TYRP1: variants seen among roughly 807,000 people sequenced by gnomAD.
TYRP1 encodes 5,6-dihydroxyindole-2-carboxylic acid oxidase.
In TYRP1, 49 loss-of-function variants were observed where a neutral mutation model predicts 42.8. That is an observed-to-expected ratio of 1.14 (90% CI 0.91 to 1.45). TYRP1 has a LOEUF of 1.45. Among genes scored for constraint, TYRP1 ranks in the 40% most tolerant of loss-of-function variants. TYRP1 has a pLI of 0.00. For synonymous variants in TYRP1, 279 were observed against 235.4 expected, an observed-to-expected ratio of 1.19 and a Z score of -1.69; for missense variants, 848 against 662.0, an observed-to-expected ratio of 1.28 and a Z score of -3.08.
In TYRP1 at chr9:12,708,161, A is replaced by AT. The variant is rs1563858093; in HGVS notation, c.1408+23dup. The AT allele has an allele frequency of 6.2e-7, 1 of 1,612,086 alleles. No individual in the cohort carries two copies. Among genetic ancestry groups the AT allele is most frequent in the Middle Eastern group, 1.7e-4 (1 of 6,046 alleles). Reference sequence around the variant, plus strand: ...ATGGCCAAGTGAGTGTTGAAAGTGTATTTTTACTGTGATAATTTCCAAAAG... The same window carrying AT: ...ATGGCCAAGTGAGTGTTGAAAGTGTATTTTTTACTGTGATAATTTCCAAAAG... On this transcript the variant is annotated intron_variant, in intron 7 of 7. Coordinates refer to ENST00000388918, the MANE Select transcript of TYRP1 (RefSeq NM_000550.3).
At chr9:12,701,515 G>A (rs1187874790) in intron 4 of TYRP1, 1 of 151,846 alleles carries the variant, frequency 6.6e-6, no homozygotes, top group Non-Finnish European at 1.5e-5. Flanking sequence ...TGCCTAAAAT[G>A]TTTGTCTTGT....
rs780707378 is a variant in TYRP1, at chr9:12,695,553, A to C, written c.424A>C (p.Asn142His). The change falls in exon 3 of 8, where the codon AAC (asparagine) becomes CAC (histidine). Residue 142 changes from asparagine to histidine, a missense_variant. By Grantham distance (68) the Asn-to-His change is moderately conservative. Coordinates refer to ENST00000388918, the MANE Select transcript of TYRP1 (RefSeq NM_000550.3). ...NLLDLSKEEKNHFVRALDMAK... is the reference protein window; with the variant it reads ...NLLDLSKEEKHHFVRALDMAK... Reference sequence around the variant, plus strand: ...TCTGGACTTAAGTAAAGAAGAAAAGAACCACTTTGTCCGGGCCCTGGATAT... The same window carrying C: ...TCTGGACTTAAGTAAAGAAGAAAAGCACCACTTTGTCCGGGCCCTGGATAT... The C allele has an allele frequency of 1.9e-6, 3 of 1,614,132 alleles. No individual in the cohort carries two copies. Among genetic ancestry groups the C allele is most frequent in the Non-Finnish European group, 2.5e-6 (3 of 1,180,026 alleles).
rs768407863 is a variant in TYRP1, at chr9:12,694,353, A to C, written c.357A>C (p.Gly119=). The part of the protein sequence containing the change: ...NCGTCRPGWR[G]AACDQRVLIV... ...GGACGTGCCGTCCTGGCTGGAGAGG[A>C]GCTGCCTGTGACCAGAGGGTTCTCA... Residue 119 remains glycine, a synonymous_variant, in exon 2 of 8, where the codon GGA becomes GGC. Transcript: ENST00000388918. The C allele has an allele frequency of 6.2e-7, 1 of 1,614,014 alleles. No individual in the cohort carries two copies.
chr9:12,695,281 G>A (rs557073994), intron 2 of TYRP1, among the ~76,000 whole-genome samples: 1 of 152,242 alleles, frequency 6.6e-6, no homozygotes, highest in Non-Finnish European at 1.5e-5. Context: ...TAAGATTAAA[G>A]AAAGGTAATA....
chr9:12,701,363 ATAAT>A (rs1818165241), intron 4 of TYRP1, among the ~76,000 whole-genome samples: 1 of 151,954 alleles, frequency 6.6e-6, no homozygotes, highest in Non-Finnish European at 1.5e-5. Context: ...TCTTTTCCAT[ATAAT>A]GACAGGCACC....
chr9:12,698,777 G>A (rs1256162361), intron 4 of TYRP1, 122 bp downstream of exon 4: 3 of 941,182 alleles, frequency 3.2e-6, no homozygotes, highest in Non-Finnish European at 4.9e-6. Context: ...TTATTATAGA[G>A]TAACAGTGTA....
rs1818070258 is a variant in TYRP1, at chr9:12,695,762, G to A, written c.633G>A (p.Val211=). 11 of 1,614,134 alleles carry A rather than the reference G, an allele frequency of 6.8e-6. No individual in the cohort carries two copies. The highest frequency in any genetic ancestry group is 9.3e-6 in the Non-Finnish European group (11 of 1,180,016). ...LGVGQESFGE[V]DFSHEGPAFL... ...TAGGACAGGAAAGCTTTGGTGAAGT[G>A]GATTTCTCTCATGAGGGACCAGCTT... The change falls in exon 3 of 8, where the codon GTG becomes GTA. Residue 211 remains valine, a synonymous_variant. Coordinates refer to ENST00000388918, the MANE Select transcript of TYRP1 (RefSeq NM_000550.3).
intron 7 of TYRP1, among the ~76,000 whole-genome samples, chr9:12,708,653 A>AAAAGT (rs1351623082): frequency 2.6e-5 from 4 of 152,006 alleles, no homozygotes; most frequent in African/African-American, 9.7e-5. Context: ...GGCATAGTGG[A>AAAAGT]AAAGTACAAG....
In TYRP1 at chr9:12,702,332, A is replaced by C. The variant is rs1818183940; in HGVS notation, c.975A>C (p.Gln325His). 1 of 1,613,110 alleles carries C rather than the reference A, an allele frequency of 6.2e-7. No homozygotes were observed. The highest frequency in any genetic ancestry group is 1.7e-5 in the Admixed American group (1 of 59,812). Residue 325 changes from glutamine (Q) to histidine (H), a missense_variant, in exon 5 of 8, where the codon CAA becomes CAC. Gln to His is a conservative substitution (Grantham distance 24). Coordinates refer to ENST00000388918, the MANE Select transcript of TYRP1 (RefSeq NM_000550.3). ...PAGNVARPMV[Q>H]RLPEPQDVAQ... ...GAAATGTGGCCAGACCAATGGTGCAACGTCTTCCTGAACCACAGGATGTCG... is the reference window on the plus strand; with the variant it reads ...GAAATGTGGCCAGACCAATGGTGCACCGTCTTCCTGAACCACAGGATGTCG...
chr9:12,699,043 A>AGTT (rs1051338494), intron 4 of TYRP1, among the ~76,000 whole-genome samples: 2 of 152,116 alleles, frequency 1.3e-5, no homozygotes, highest in Non-Finnish European at 2.9e-5. Flanking sequence ...ATAGGCAAAA[A>AGTT]GTTGGAAATG....
chr9:12,706,861 G>A (rs1818267079), intron 6 of TYRP1, among the ~76,000 whole-genome samples: 1 of 151,838 alleles, frequency 6.6e-6, no homozygotes, highest in African/African-American at 2.4e-5. Context: ...TTTTCAAAAT[G>A]ATTGAAAGGT....
chr9:12,695,981 G>A (rs1391870432), intron 3 of TYRP1, 144 bp downstream of exon 3: 16 of 828,118 alleles, frequency 1.9e-5, no homozygotes, highest in East Asian at 1.4e-4. Flanking sequence ...TTGGCATTTC[G>A]TTTTCTCCTT....
At chr9:12,695,859 T>G (rs1048737738) in intron 3 of TYRP1, 22 bp downstream of exon 3, 1 of 1,610,510 alleles carries the variant, frequency 6.2e-7, no homozygotes, top group Non-Finnish European at 8.5e-7. Flanking sequence ...GCATTTCAGT[T>G]TGCAGACTCT....
chr9:12,696,036 A>G (rs1442625155), intron 3 of TYRP1, among the ~76,000 whole-genome samples, 199 bp downstream of exon 3: 1 of 152,194 alleles, frequency 6.6e-6, no homozygotes, highest in African/African-American at 2.4e-5. Context: ...TGAAGTGAAA[A>G]TAAAGCAAAA....
rs750866117 is a variant in TYRP1, at chr9:12,702,249, C to T, written c.914-22C>T. The T allele has an allele frequency of 1.9e-6, 3 of 1,612,218 alleles. No individual in the cohort carries two copies. The South Asian group carries it at 3.3e-5, about 18-fold the overall frequency. On this transcript the variant is annotated intron_variant, in intron 4 of 7. Coordinates refer to ENST00000388918, the MANE Select transcript of TYRP1 (RefSeq NM_000550.3). ...ACTCCAAACATTGTGTAAATGTTTCCACATCCCATTTTTTTCTGCAGGCAC... is the reference window on the plus strand; with the variant it reads ...ACTCCAAACATTGTGTAAATGTTTCTACATCCCATTTTTTTCTGCAGGCAC...
rs1339910570 is a variant in TYRP1 at position 12,698,678 on chromosome 9, G to C, written c.913+23G>C. 5 of 1,606,288 alleles carry C rather than the reference G, an allele frequency of 3.1e-6. No individual in the cohort carries two copies. The African/African-American group carries it at 4.0e-5, about 13-fold the overall frequency. On this transcript the variant is annotated intron_variant, in intron 4 of 7. Coordinates refer to ENST00000388918, the MANE Select transcript of TYRP1 (RefSeq NM_000550.3). ...ACAGTAAGTTCCAAATGATAGCTTG[G>C]AGTCAGAATTTCTTTTTAGATAAAG... is the stretch of plus-strand genomic sequence containing the variant.
At chr9:12,703,218 A>G (rs1586844981) in intron 5 of TYRP1, among the ~76,000 whole-genome samples, 1 of 152,100 alleles carries the variant, frequency 6.6e-6, no homozygotes, top group Non-Finnish European at 1.5e-5. Context: ...CCTTCAATAT[A>G]GCATTGTCCA....
At chr9:12,708,863 A>C (rs973785602) in intron 7 of TYRP1, 114 bp from the exon 8 acceptor site, 58 of 1,042,176 alleles carry the variant, frequency 5.6e-5, no homozygotes, top group Non-Finnish European at 8.2e-5. Context: ...GGCCAATGTA[A>C]ATTAAATATG....
rs1369724616 is a variant in TYRP1, at chr9:12,698,068, A to AAGAT, written c.709-380_709-377dup. On this transcript the variant is annotated intron_variant, in intron 3 of 7. Coordinates refer to ENST00000388918, the MANE Select transcript of TYRP1 (RefSeq NM_000550.3). ...CTAAGAGTTAATGATGCTTGAATTA[A>AAGAT]AGATAGGAAAATGGAAGAAGGTGGA... Among the ~76,000 whole-genome samples the AAGAT allele has an allele frequency of 9.8e-5, 15 of 152,286 alleles. No individual in the cohort carries two copies. The South Asian group carries it at 3.1e-3, about 32-fold the overall frequency.
Sources: gnomAD v4.1 joint callset for allele counts (sites outside exome capture counted in the v4.1 genomes callset) on GRCh38, gnomAD v4.1.1 for gene constraint, MANE v1.5 for transcripts, NCBI Gene and HGNC (gene_info 2026-07-23, HGNC 2026-07-21) for gene names.